DPP3: variants seen among roughly 807,000 people sequenced by gnomAD.
The protein encoded by DPP3 is DPP III.
Under a neutral mutation model 89.8 loss-of-function variants are expected in DPP3, and 64 were observed. That is an observed-to-expected ratio of 0.71 (90% CI 0.58 to 0.88). The LOEUF (loss-of-function observed/expected upper bound fraction) is 0.88, where lower values mean the gene tolerates loss of function less well. DPP3 is among the 40% of genes least tolerant of loss of function. The probability of loss-of-function intolerance (pLI) is 0.00; values close to 1 mark genes in which losing one functional copy is unlikely to be tolerated. For missense variants in DPP3, 835 were observed against 972.5 expected (o/e 0.86, Z 1.88); for synonymous variants, 377 against 404.3 (o/e 0.93, Z 0.81).
At chr11:66,486,428 C>T (rs2134721570) in intron 3 of DPP3, 112 bp from the exon 4 acceptor site, 1 of 1,321,118 alleles carries the variant, frequency 7.6e-7, no homozygotes, top group Non-Finnish European at 9.9e-7. Context: ...ATGGACCACA[C>T]AATGAGCCAG....
At chr11:66,486,985 G>A (rs1224310446) in intron 4 of DPP3, among the ~76,000 whole-genome samples, 1 of 152,116 alleles carries the variant, frequency 6.6e-6, no homozygotes, top group African/African-American at 2.4e-5. Flanking sequence ...AAGGAGGGGG[G>A]TCCCAGGTTT....
intron 16 of DPP3, among the ~76,000 whole-genome samples, chr11:66,501,702 G>A (rs568807222): frequency 4.1e-4 from 63 of 151,930 alleles, no homozygotes; most frequent in African/African-American, 1.2e-3. Flanking sequence ...GCAGGTGCCT[G>A]TAGTCCCAGC....
chr11:66,481,984 A>G, intron 1 of DPP3: 1 of 678,592 alleles, frequency 1.5e-6, no homozygotes, highest in Non-Finnish European at 2.4e-6. Context: ...ACTACAGACC[A>G]AATATGGTCC....
At chr11:66,486,774 G>C in intron 4 of DPP3, 97 bp downstream of exon 4, 1 of 1,376,076 alleles carries the variant, frequency 7.3e-7, no homozygotes, top group Non-Finnish European at 9.6e-7. Context: ...GAGGCAGTGG[G>C]CTCTGCCTCA....
chr11:66,484,898 G>A (rs890176220), intron 2 of DPP3, among the ~76,000 whole-genome samples: 2 of 152,202 alleles, frequency 1.3e-5, no homozygotes, highest in Non-Finnish European at 2.9e-5. Flanking sequence ...GTGGCTGAGA[G>A]GGTGCTGGGG....
chr11:66,485,566 G>A (rs1855203567), intron 3 of DPP3, among the ~76,000 whole-genome samples: 1 of 152,222 alleles, frequency 6.6e-6, no homozygotes, highest in African/African-American at 2.4e-5. Flanking sequence ...TCATCACCAG[G>A]AACAGTGGGA....
intron 2 of DPP3, among the ~76,000 whole-genome samples, chr11:66,484,447 G>C (rs1391109241): frequency 1.3e-5 from 2 of 152,058 alleles, no homozygotes; most frequent in Non-Finnish European, 2.9e-5. Flanking sequence ...TCGTCTCTCA[G>C]CTTGCTTGCT....
chr11:66,486,637 C>T lies in DPP3; in HGVS notation c.458C>T (p.Ser153Phe). 1.3e-6 allele frequency: 2 copies of T among 1,575,712 alleles called. No individual in the cohort carries two copies. The highest frequency in any genetic ancestry group is 4.9e-5 in the East Asian group (2 of 41,222). ...CAGACCTGCGGGGAGCTTATGTTCT[C>T]TCTGGAGCCAAGGCTTCGACACCTC... ...LWQTCGELMF[S>F]LEPRLRHLGL... The change falls in exon 4 of 18, where the codon TCT (serine) becomes TTT (phenylalanine). Residue 153 changes from serine to phenylalanine, a missense_variant. Transcript: ENST00000531863.
rs201743863 is a variant in DPP3, at chr11:66,487,955, T to A, written c.615T>A (p.Asp205Glu). 2 of 1,614,118 alleles carry A rather than the reference T, an allele frequency of 1.2e-6. No homozygotes were observed. The highest frequency in any genetic ancestry group is 8.5e-7 in the Non-Finnish European group (1 of 1,180,004). The part of the protein sequence containing the change: ...AYNTRLFKEV[D>E]GEGKPYYEVR... ...ACACCCGGCTCTTCAAAGAGGTCGA[T>A]GGAGAAGGGAAGCCCTACTACGAGG... is the stretch of plus-strand genomic sequence containing the variant. The change falls in exon 6 of 18, where the codon GAT (aspartate) becomes GAA (glutamate). Residue 205 changes from aspartate (D) to glutamate (E), a missense_variant. Transcript: ENST00000531863.
At chr11:66,500,293 G>A (rs1411400942) in intron 16 of DPP3, among the ~76,000 whole-genome samples, 3 of 152,158 alleles carry the variant, frequency 2.0e-5, no homozygotes, top group African/African-American at 7.2e-5. Flanking sequence ...GGTGGAGGTT[G>A]CAGTGAGCCA....
chr11:66,490,721 C>A (rs1855355650), intron 6 of DPP3, among the ~76,000 whole-genome samples: 1 of 151,656 alleles, frequency 6.6e-6, no homozygotes, highest in African/African-American at 2.4e-5. Flanking sequence ...TTATGTGATA[C>A]ATATATTTTT....
chr11:66,504,684 C>T lies in DPP3; in HGVS notation c.1951C>T (p.Pro651Ser), dbSNP rs142447712. 5.0e-6 allele frequency: 8 copies of T among 1,612,062 alleles called. No homozygotes were observed. The East Asian group carries it at 1.3e-4, about 27-fold the overall frequency. Residue 651 changes from proline to serine, a missense_variant, in exon 17 of 18, where the codon CCC becomes TCC. Pro to Ser is a moderately conservative substitution (Grantham distance 74). Coordinates refer to ENST00000531863, the MANE Select transcript of DPP3 (RefSeq NM_130443.4). ...YEGYATVTDA[P>S]PECFLTLRDT... ...GGGGTATGCAACAGTCACTGATGCG[C>T]CCCCCGAGTGCTTCCTCACCCTCAG...
intron 2 of DPP3, 130 bp downstream of exon 2, chr11:66,482,600 C>T (rs1045454039): frequency 1.0e-4 from 136 of 1,334,840 alleles, no homozygotes; most frequent in Non-Finnish European, 1.2e-4. Context: ...AGGCACTTCC[C>T]CTCTCTGGAG....
chr11:66,482,108 A>T, intron 1 of DPP3, 85 bp from the exon 2 acceptor site: 2 of 1,534,522 alleles, frequency 1.3e-6, no homozygotes, highest in African/African-American at 1.4e-5. Flanking sequence ...TTTTGGGAGG[A>T]TTAAATGAGA....
At chr11:66,501,052 G>A (rs2134746542) in intron 16 of DPP3, among the ~76,000 whole-genome samples, 1 of 152,236 alleles carries the variant, frequency 6.6e-6, no homozygotes, top group East Asian at 1.9e-4. Flanking sequence ...GCCGGGTATG[G>A]TGGCATTTGC....
At chr11:66,480,559 C>G in intron 1 of DPP3, 94 bp downstream of exon 1, 1 of 1,369,918 alleles carries the variant, frequency 7.3e-7, no homozygotes, top group Non-Finnish European at 9.5e-7. Flanking sequence ...TCCCTTTCTG[C>G]CCACTCTCCA....
chr11:66,503,855 C>G (rs1855738003), intron 16 of DPP3, among the ~76,000 whole-genome samples: 1 of 152,066 alleles, frequency 6.6e-6, no homozygotes, highest in Admixed American at 6.5e-5. Flanking sequence ...CCATTGCACT[C>G]CAGGCTGGGT....
chr11:66,486,608 C>G lies in DPP3; in HGVS notation c.429C>G (p.Leu143=). ...AQQHPEEVRG[L]WQTCGELMFS... is the part of the protein sequence containing the mutation. ...AGCACCCAGAAGAAGTCAGGGGCCT[C>G]TGGCAGACCTGCGGGGAGCTTATGT... The change falls in exon 4 of 18, where the codon CTC becomes CTG. Residue 143 remains leucine (L), a synonymous_variant. Transcript: ENST00000531863. The G allele has an allele frequency of 3.1e-6, 5 of 1,587,304 alleles. No individual in the cohort carries two copies. Among genetic ancestry groups the G allele is most frequent in the Non-Finnish European group, 4.3e-6 (5 of 1,166,296 alleles).
At chr11:66,508,996 A>G in intron 17 of DPP3, 83 bp from the exon 18 acceptor site, 1 of 1,530,272 alleles carries the variant, frequency 6.5e-7, no homozygotes, top group Non-Finnish European at 8.8e-7. Context: ...TGCTGCTGTA[A>G]TTGTGATTAT....
Sources: allele counts gnomAD v4.1 joint callset (sites outside exome capture counted in the v4.1 genomes callset), GRCh38; gene constraint gnomAD v4.1.1; transcripts MANE v1.5; gene names NCBI Gene and HGNC (gene_info 2026-07-23, HGNC 2026-07-21).